Variants in ANXA4 observed in about 807,000 individuals in gnomAD.
The protein encoded by ANXA4 is 35-beta calcimedin.
Under a neutral mutation model 49.8 loss-of-function variants are expected in ANXA4, and 39 were observed. The observed-to-expected ratio is 0.78, with a 90% CI of 0.61 to 1.02. The LOEUF (loss-of-function observed/expected upper bound fraction) is 1.02. ANXA4 is among the 50% of genes least tolerant of loss of function. The pLI is 0.00. For synonymous variants in ANXA4, 134 were observed against 152.5 expected, an observed-to-expected ratio of 0.88 and a Z score of 0.89; for missense variants, 360 against 410.1, an observed-to-expected ratio of 0.88 and a Z score of 1.05.
chr2:69,712,823 T>G (rs11888175), intron 2 of ANXA4, among the ~76,000 whole-genome samples: 8,755 of 152,204 alleles, frequency 0.058, 864 homozygotes, highest in African/African-American at 0.2. Flanking sequence ...CCTGGGTTCT[T>G]CTTGAGTTGT....
At chr2:69,654,949 G>A (rs529939022) in intron 2 of ANXA4, among the ~76,000 whole-genome samples, 1 of 152,260 alleles carries the variant, frequency 6.6e-6, no homozygotes, top group South Asian at 2.1e-4. Flanking sequence ...TTTAATAAAT[G>A]GCGATGGGAA....
intron 1 of ANXA4, among the ~76,000 whole-genome samples, chr2:69,754,208 A>G (rs960991596): frequency 6.6e-6 from 1 of 152,190 alleles, no homozygotes; most frequent in Non-Finnish European, 1.5e-5. Flanking sequence ...AAGTGTTATA[A>G]CTTCCCCCAT....
At chr2:69,685,341 C>T (rs1677749888) in intron 2 of ANXA4, among the ~76,000 whole-genome samples, 1 of 148,682 alleles carries the variant, frequency 6.7e-6, no homozygotes, top group South Asian at 2.2e-4. Context: ...ATCAGTTAGA[C>T]ATTTAATAAA....
chr2:69,696,041 C>CA (rs979355094), intron 2 of ANXA4, among the ~76,000 whole-genome samples: 1 of 152,076 alleles, frequency 6.6e-6, no homozygotes, highest in African/African-American at 2.4e-5. Context: ...GTGGCTGTGG[C>CA]AATTTCTTAA....
intron 1 of ANXA4, among the ~76,000 whole-genome samples, chr2:69,748,423 G>A (rs777971189): frequency 6.7e-5 from 10 of 150,216 alleles, no homozygotes; most frequent in South Asian, 2.1e-4. Flanking sequence ...GCACACATGC[G>A]GAAAATACAT....
At chr2:69,708,320 C>T (rs1440922928) in intron 2 of ANXA4, among the ~76,000 whole-genome samples, 1 of 152,152 alleles carries the variant, frequency 6.6e-6, no homozygotes, top group Non-Finnish European at 1.5e-5. Flanking sequence ...TAGAGCCTTC[C>T]GCAACTCTCT....
chr2:69,676,609 C>T (rs1164646179), intron 2 of ANXA4, among the ~76,000 whole-genome samples: 2 of 152,156 alleles, frequency 1.3e-5, no homozygotes, highest in Non-Finnish European at 2.9e-5. Flanking sequence ...TAAAAACCAT[C>T]TCTGGCCGGG....
chr2:69,825,414 T>C, intron 12 of ANXA4, 42 bp from the exon 13 acceptor site: 1 of 1,550,076 alleles, frequency 6.5e-7, no homozygotes, highest in Non-Finnish European at 8.8e-7. Flanking sequence ...GTGTGTTTCA[T>C]TTTAAAATCT....
At position 69,718,831 on chromosome 2, in the gene ANXA4, CAT is replaced by C. The variant is rs200897374; in HGVS notation, n.767-1939_767-1938del. Among the ~76,000 whole-genome samples, 402 of 152,168 alleles carry C rather than the reference CAT, an allele frequency of 2.6e-3. 2 individuals are homozygous for C. Among genetic ancestry groups the C allele is most frequent in the African/African-American group, 8.7e-3 (359 of 41,488 alleles). On this transcript the variant is annotated intron_variant and non_coding_transcript_variant, in intron 2 of 3. Coordinates refer to the ANXA4 transcript ENST00000418066. Reference sequence around the variant, plus strand: ...CACACATGCTGCACACATGCACACACATATACATGCACACACATACATGCATA... The same window carrying C: ...CACACATGCTGCACACATGCACACACATACATGCACACACATACATGCATA...
chr2:69,822,356 C>G (rs986741066), intron 12 of ANXA4, among the ~76,000 whole-genome samples: 3 of 151,348 alleles, frequency 2.0e-5, no homozygotes, highest in Non-Finnish European at 4.4e-5. Context: ...AGACCCATCC[C>G]AAAAAAGAAA....
chr2:69,704,312 A>G (rs1249057373), intron 2 of ANXA4, among the ~76,000 whole-genome samples: 1 of 152,212 alleles, frequency 6.6e-6, no homozygotes, highest in Non-Finnish European at 1.5e-5. Flanking sequence ...TACAGTAATT[A>G]TACAAAAAGT....
intron 3 of ANXA4, among the ~76,000 whole-genome samples, chr2:69,724,250 G>A (rs1409405713): frequency 1.3e-5 from 2 of 152,234 alleles, no homozygotes; most frequent in Non-Finnish European, 2.9e-5. Flanking sequence ...ACTGGTGTTT[G>A]CTGTGGGCAA....
chr2:69,687,435 G>T (rs1677828539), intron 2 of ANXA4, among the ~76,000 whole-genome samples: 1 of 151,822 alleles, frequency 6.6e-6, no homozygotes, highest in Non-Finnish European at 1.5e-5. Context: ...TTGAACCTGG[G>T]AGGCAGAGAT....
In ANXA4 at chr2:69,685,720, C is replaced by G. The variant is rs551033403; in HGVS notation, n.766+32438C>G. On this transcript the variant is annotated intron_variant and non_coding_transcript_variant, in intron 2 of 3. Transcript: ENST00000418066. The stretch of plus-strand genomic sequence containing the variant: ...TGAGAATAAGCAATACTTGCTTTAA[C>G]GGTAACTAAGAGCCTTAACTCAATA... Among the ~76,000 whole-genome samples, 4 of 152,274 alleles carry G rather than the reference C, an allele frequency of 2.6e-5. No individual in the cohort carries two copies. In the East Asian group the frequency reaches 7.7e-4, roughly 29 times the overall value.
chr2:69,763,079 A>G (rs1326006400), intron 1 of ANXA4, among the ~76,000 whole-genome samples: 1 of 152,184 alleles, frequency 6.6e-6, no homozygotes, highest in Non-Finnish European at 1.5e-5. Context: ...CAGAAATAGT[A>G]AGTTCCTCAC....
chr2:69,697,847 G>C (rs1573115322), intron 2 of ANXA4, among the ~76,000 whole-genome samples: 1 of 152,064 alleles, frequency 6.6e-6, no homozygotes, highest in East Asian at 1.9e-4. Context: ...CCTGGGGCCA[G>C]GTGTGGTGGC....
intron 1 of ANXA4, among the ~76,000 whole-genome samples, chr2:69,769,149 G>A (rs887395643): frequency 6.6e-5 from 10 of 152,188 alleles, no homozygotes; most frequent in Non-Finnish European, 1.0e-4. Context: ...TTTATAAAGC[G>A]TATTAGAATA....
intron 3 of ANXA4, among the ~76,000 whole-genome samples, chr2:69,727,271 T>C (rs375978312): frequency 6.6e-6 from 1 of 152,252 alleles, no homozygotes; most frequent in Non-Finnish European, 1.5e-5. Flanking sequence ...TCATGAACAC[T>C]GTTACGCATT....
chr2:69,688,447 C>T (rs1192763290), intron 2 of ANXA4, among the ~76,000 whole-genome samples: 13 of 152,202 alleles, frequency 8.5e-5, no homozygotes, highest in Admixed American at 7.9e-4. Context: ...TGATAAGCGT[C>T]TAGATCTGTT....
Sources: allele counts gnomAD v4.1 joint callset (sites outside exome capture counted in the v4.1 genomes callset), GRCh38; gene constraint gnomAD v4.1.1; transcripts MANE v1.5; gene names NCBI Gene and HGNC (gene_info 2026-07-23, HGNC 2026-07-21).